Variants in ADTRP observed in about 807,000 individuals in gnomAD.
ADTRP encodes androgen dependent TFPI regulating protein.
Under a neutral mutation model 27.0 loss-of-function variants are expected in ADTRP, and 20 were observed. The ratio of observed to expected loss-of-function variants is 0.74; its 90% CI spans 0.52 to 1.08. The LOEUF (loss-of-function observed/expected upper bound fraction) is 1.08. Among genes scored for constraint, ADTRP ranks in the 50% least tolerant of loss-of-function variants. The pLI, the probability that ADTRP is intolerant of heterozygous loss-of-function variation, is 0.00. For synonymous variants in ADTRP, 101 were observed against 105.2 expected (o/e 0.96, Z 0.25); for missense variants, 251 against 275.0 (o/e 0.91, Z 0.62).
rs561560494 is a variant in ADTRP, at chr6:11,745,783, C to T, written c.391-10100G>A. ...GAGAGGTTACTTTTTCAATTATGAACATTTTTTTTCTTTTTTGTTTTTTTT... is the reference window on the plus strand; with the variant it reads ...GAGAGGTTACTTTTTCAATTATGAATATTTTTTTTCTTTTTTGTTTTTTTT... On this transcript the variant is annotated intron_variant, in intron 3 of 5. Coordinates refer to ENST00000414691, the MANE Select transcript of ADTRP (RefSeq NM_032744.4). Among the ~76,000 whole-genome samples, 10 of 150,812 alleles carry T rather than the reference C, an allele frequency of 6.6e-5. No individual in the cohort carries two copies. The South Asian group carries it at 1.7e-3, about 26-fold the overall frequency.
In ADTRP at chr6:11,778,600, G is replaced by A. The variant is rs377439198; in HGVS notation, c.153+7C>T. The A allele has an allele frequency of 5.0e-5, 80 of 1,613,872 alleles. No homozygotes were observed. The highest frequency in any genetic ancestry group is 6.1e-5 in the Non-Finnish European group (72 of 1,179,906). On this transcript the variant is annotated splice_region_variant and intron_variant, in intron 1 of 5. Transcript: ENST00000414691. ...GATCGGTTCCTGGTACGGACATATG[G>A]ACTTACCAGATTAAGCAGCGTCATA...
At chr6:11,732,833 G>C (rs544527917) in intron 4 of ADTRP, among the ~76,000 whole-genome samples, 1 of 152,182 alleles carries the variant, frequency 6.6e-6, no homozygotes, top group African/African-American at 2.4e-5. Context: ...GGAACAACAC[G>C]TGAAAGATTT....
chr6:11,726,922 T>C (rs553128566), intron 4 of ADTRP, among the ~76,000 whole-genome samples: 32 of 152,364 alleles, frequency 2.1e-4, no homozygotes, highest in African/African-American at 7.2e-4. Context: ...TGGGCCCTGC[T>C]GGTATCACTC....
At chr6:11,717,525 A>G in intron 5 of ADTRP, 1 of 1,140,350 alleles carries the variant, frequency 8.8e-7, no homozygotes, top group Non-Finnish European at 1.1e-6. Flanking sequence ...ATAAAAACAT[A>G]GTATTCTCAA....
chr6:11,717,533 C>T, intron 5 of ADTRP: 1 of 1,088,608 alleles, frequency 9.2e-7, no homozygotes, highest in Non-Finnish European at 1.2e-6. Flanking sequence ...ATAGTATTCT[C>T]AAAGATTTAC....
chr6:11,765,835 C>T (rs1392564775), intron 3 of ADTRP, among the ~76,000 whole-genome samples: 30 of 152,172 alleles, frequency 2.0e-4, no homozygotes, highest in Admixed American at 2.0e-3. Flanking sequence ...ATGTTAATCC[C>T]ATTTGTGATG....
intron 1 of ADTRP, among the ~76,000 whole-genome samples, chr6:11,775,087 C>T (rs1456078040): frequency 6.6e-6 from 1 of 152,154 alleles, no homozygotes; most frequent in Non-Finnish European, 1.5e-5. Context: ...TGGTCCTTCT[C>T]CAGCTGGGAA....
At chr6:11,765,344 T>TTTTA (rs1763533620) in intron 3 of ADTRP, among the ~76,000 whole-genome samples, 3 of 137,480 alleles carry the variant, frequency 2.2e-5, no homozygotes, top group African/African-American at 5.7e-5. Flanking sequence ...TTTTTTTTTT[T>TTTTA]GAGGCAGAGT....
intron 5 of ADTRP, among the ~76,000 whole-genome samples, chr6:11,719,965 A>T (rs1011584676): frequency 1.3e-5 from 2 of 152,164 alleles, no homozygotes; most frequent in African/African-American, 2.4e-5. Context: ...TGAGCCCAGG[A>T]GGAGGCCACT....
At chr6:11,763,002 A>G (rs900369651) in intron 3 of ADTRP, among the ~76,000 whole-genome samples, 1 of 152,224 alleles carries the variant, frequency 6.6e-6, no homozygotes, top group African/African-American at 2.4e-5. Flanking sequence ...CTGAAGGGCT[A>G]CTTTGCTGTT....
intron 2 of ADTRP, 33 bp from the exon 3 acceptor site, chr6:11,766,408 A>T (rs1763575637): frequency 6.6e-7 from 1 of 1,521,632 alleles, no homozygotes; most frequent in African/African-American, 1.4e-5. Context: ...TAGCATCATT[A>T]GGCTTGTTTT....
At chr6:11,772,750 T>C (rs888026180) in intron 1 of ADTRP, among the ~76,000 whole-genome samples, 6 of 152,194 alleles carry the variant, frequency 3.9e-5, no homozygotes, top group Admixed American at 1.3e-4. Flanking sequence ...GGTGGTTGTG[T>C]TTGGGGCAGG....
At chr6:11,745,709 A>G (rs1749144248) in intron 3 of ADTRP, among the ~76,000 whole-genome samples, 2 of 152,246 alleles carry the variant, frequency 1.3e-5, no homozygotes, top group African/African-American at 4.8e-5. Flanking sequence ...TTATTTCAAA[A>G]TAAAAGTTAA....
intron 3 of ADTRP, among the ~76,000 whole-genome samples, chr6:11,740,968 GACTGA>G (rs1244633384): frequency 1.3e-5 from 2 of 152,126 alleles, no homozygotes; most frequent in African/African-American, 4.8e-5. Context: ...CAGTCTCAAA[GACTGA>G]AGTTTTTAAA....
At chr6:11,739,446 C>A (rs1762650619) in intron 3 of ADTRP, among the ~76,000 whole-genome samples, 1 of 152,172 alleles carries the variant, frequency 6.6e-6, no homozygotes, top group Admixed American at 6.5e-5. Flanking sequence ...CTCAATTATA[C>A]CTTCCCCCCA....
chr6:11,766,920 T>C (rs1461615875), intron 2 of ADTRP, among the ~76,000 whole-genome samples: 2 of 152,212 alleles, frequency 1.3e-5, no homozygotes, highest in Non-Finnish European at 2.9e-5. Flanking sequence ...TTGTACTCCT[T>C]GCCTCTCTTG....
At chr6:11,718,131 A>G (rs941303004) in intron 5 of ADTRP, among the ~76,000 whole-genome samples, 2 of 152,262 alleles carry the variant, frequency 1.3e-5, no homozygotes, top group African/African-American at 4.8e-5. Context: ...ACACACTCCC[A>G]GCGCCACTTG....
intron 3 of ADTRP, among the ~76,000 whole-genome samples, chr6:11,749,868 A>G (rs565958885): frequency 2.1e-4 from 32 of 152,314 alleles, no homozygotes; most frequent in African/African-American, 6.7e-4. Context: ...ATCTGCCCCA[A>G]AGGAACTCCC....
At chr6:11,720,724 A>C (rs1275068596) in intron 5 of ADTRP, among the ~76,000 whole-genome samples, 1 of 152,074 alleles carries the variant, frequency 6.6e-6, no homozygotes, top group Non-Finnish European at 1.5e-5. Flanking sequence ...TTCCTATTCC[A>C]GTGCTCTTTC....
Sources: allele counts gnomAD v4.1 joint callset (sites outside exome capture counted in the v4.1 genomes callset), GRCh38; gene constraint gnomAD v4.1.1; transcripts MANE v1.5; gene names NCBI Gene and HGNC (gene_info 2026-07-23, HGNC 2026-07-21).